Variants in BCAT1 observed in about 807,000 individuals in gnomAD.
BCAT1 encodes branched chain amino acid transaminase 1.
Under a neutral mutation model 52.4 loss-of-function variants are expected in BCAT1, and 48 were observed. The ratio of observed to expected loss-of-function variants is 0.92; its 90% confidence interval spans 0.73 to 1.16. The LOEUF (loss-of-function observed/expected upper bound fraction) is 1.16, where lower values mean the gene tolerates loss of function less well. Among genes scored for constraint, BCAT1 ranks in the 50% most tolerant of loss-of-function variants. The pLI is 0.00. For missense variants in BCAT1, 451 were observed against 457.1 expected (o/e 0.99, Z 0.12); for synonymous variants, 167 against 161.3 (o/e 1.04, Z -0.27).
At chr12:24,832,934 T>C in intron 8 of BCAT1, 71 bp from the exon 9 acceptor site, 13 of 1,422,412 alleles carry the variant, frequency 9.1e-6, no homozygotes, top group Non-Finnish European at 1.0e-5. Context: ...CAATACTTAC[T>C]GTTCTGCTTA....
At chr12:24,901,977 C>G (rs1248606072) in intron 1 of BCAT1, 92 bp from the exon 2 acceptor site, 3 of 1,608,798 alleles carry the variant, frequency 1.9e-6, no homozygotes, top group African/African-American at 2.7e-5. Flanking sequence ...ATACCGTGCG[C>G]TCCTCTCCAG....
At chr12:24,834,898 T>A (rs1940852268) in intron 8 of BCAT1, 1 of 641,436 alleles carries the variant, frequency 1.6e-6, no homozygotes, top group Non-Finnish European at 2.0e-6. Flanking sequence ...CAATTTCCCC[T>A]ATCTGGCAAA....
chr12:24,823,412 C>T (rs1161655774), intron 10 of BCAT1, among the ~76,000 whole-genome samples: 1 of 152,036 alleles, frequency 6.6e-6, no homozygotes, highest in Non-Finnish European at 1.5e-5. Context: ...CTTGAGTAAA[C>T]CACCAGTACC....
intron 1 of BCAT1, among the ~76,000 whole-genome samples, chr12:24,931,286 T>G (rs1357472280): frequency 2.6e-5 from 4 of 152,098 alleles, no homozygotes; most frequent in Admixed American, 2.6e-4. Flanking sequence ...GGCTGAAAGA[T>G]AACATTGATG....
chr12:24,848,977 G>A lies in BCAT1; in HGVS notation c.674+809C>T, dbSNP rs149066582. ...ATTGCCTCTAATACCCCAGCAGCAC[G>A]TCATGTGACTCTCCCCTGCCTCCTG... On this transcript the variant is annotated intron_variant, in intron 6 of 10. Transcript: ENST00000261192. 2.6e-4 allele frequency among the ~76,000 whole-genome samples: 40 copies of A among 152,280 alleles called. No homozygotes were observed. The East Asian group carries it at 6.4e-3, about 24-fold the overall frequency.
At chr12:24,887,602 C>T (rs555858127) in intron 3 of BCAT1, among the ~76,000 whole-genome samples, 1 of 152,156 alleles carries the variant, frequency 6.6e-6, no homozygotes, top group Non-Finnish European at 1.5e-5. Flanking sequence ...ATGGGACACG[C>T]GAGGGCTTCT....
At chr12:24,921,990 CAT>C (rs753712339) in intron 1 of BCAT1, among the ~76,000 whole-genome samples, 1 of 152,236 alleles carries the variant, frequency 6.6e-6, no homozygotes, top group Non-Finnish European at 1.5e-5. Context: ...CACATACACA[CAT>C]ACACACACAC....
At chr12:24,942,830 C>T (rs539544016) in intron 1 of BCAT1, among the ~76,000 whole-genome samples, 4 of 152,288 alleles carry the variant, frequency 2.6e-5, no homozygotes, top group East Asian at 3.9e-4. Flanking sequence ...TGGTATGAAC[C>T]GAGTTCTATT....
rs2139274372 is a variant in BCAT1, at chr12:24,810,952, T to G, written c.*7056A>C. The stretch of plus-strand genomic sequence containing the variant: ...TAGGCCTTTTACTTTTTAAAGTGTC[T>G]TTTATTCTAAAGCTAGTTAACCACA... On this transcript the variant is annotated 3_prime_UTR_variant, in exon 11 of 11. Transcript: ENST00000261192. The G allele has an allele frequency of 6.6e-6, 1 of 152,322 alleles. No homozygotes were observed. Among genetic ancestry groups the G allele is most frequent in the Non-Finnish European group, 1.5e-5 (1 of 68,022 alleles). The allele number at this position is 152,322 out of a possible 1,614,324, so 9.4% of individuals were successfully genotyped here. A position where few individuals can be genotyped will look rare whatever the true frequency, so the allele number is the denominator to read the frequency against.
At position 24,827,167 on chromosome 12, in the gene BCAT1, G is replaced by C. The variant is rs570453089; in HGVS notation, c.1119+2656C>G. Among the ~76,000 whole-genome samples the C allele has an allele frequency of 1.8e-3, 267 of 152,024 alleles. 1 individual carries two copies. Among genetic ancestry groups the C allele is most frequent in the African/African-American group, 6.3e-3 (261 of 41,480 alleles). On this transcript the variant is annotated intron_variant, in intron 10 of 10. Coordinates refer to ENST00000261192, the MANE Select transcript of BCAT1 (RefSeq NM_005504.7). ...TATTTGCCCTGGCCTCTAAACCTCT[G>C]TTTTGGAAAAAGGCTTTCATGTAAT...
rs920411479 is a variant in BCAT1, at chr12:24,812,092, C to T, written c.*5916G>A. Reference sequence around the variant, plus strand: ...TTGTGAGTTTATTTTTAAGACCTGACTAAAAATCTGCACTCTTCAAAAACT... The same window carrying T: ...TTGTGAGTTTATTTTTAAGACCTGATTAAAAATCTGCACTCTTCAAAAACT... On this transcript the variant is annotated 3_prime_UTR_variant, in exon 11 of 11. Transcript: ENST00000261192. The T allele has an allele frequency of 2.0e-5, 3 of 152,024 alleles. No individual in the cohort carries two copies. Among genetic ancestry groups the T allele is most frequent in the African/African-American group, 7.2e-5 (3 of 41,416 alleles). 9.4% of individuals were successfully genotyped at this position (152,024 alleles called of 1,614,324 possible).
chr12:24,854,451 G>A (rs1279292616), intron 5 of BCAT1, among the ~76,000 whole-genome samples: 1 of 152,072 alleles, frequency 6.6e-6, no homozygotes, highest in Non-Finnish European at 1.5e-5. Flanking sequence ...CAGTTGTTTT[G>A]AAAGAAGTTT....
At chr12:24,948,495 G>C (rs1251678215) in intron 1 of BCAT1, among the ~76,000 whole-genome samples, 3 of 152,142 alleles carry the variant, frequency 2.0e-5, no homozygotes, top group African/African-American at 7.2e-5. Flanking sequence ...AACTCTTCCA[G>C]CCGCTCCCTC....
chr12:24,896,468 G>A (rs1942962484), intron 2 of BCAT1, among the ~76,000 whole-genome samples: 1 of 152,074 alleles, frequency 6.6e-6, no homozygotes, highest in Non-Finnish European at 1.5e-5. Context: ...TTATCATCTA[G>A]CCATTTAAGA....
intron 5 of BCAT1, among the ~76,000 whole-genome samples, chr12:24,870,766 G>T (rs920805554): frequency 2.0e-5 from 3 of 152,148 alleles, no homozygotes; most frequent in African/African-American, 7.2e-5. Context: ...AGTGGCTCTT[G>T]CCTGCAATTC....
At chr12:24,860,121 G>A (rs974172804) in intron 5 of BCAT1, among the ~76,000 whole-genome samples, 1 of 152,164 alleles carries the variant, frequency 6.6e-6, no homozygotes, top group Admixed American at 6.5e-5. Context: ...ACAGAAAATT[G>A]TTGTCTTGTT....
At chr12:24,908,460 G>A (rs368152326) in intron 1 of BCAT1, among the ~76,000 whole-genome samples, 100 of 152,286 alleles carry the variant, frequency 6.6e-4, no homozygotes, top group Middle Eastern at 3.4e-3. Context: ...AGCTGGGCCG[G>A]GCATGGTGGC....
rs1225066172 is a variant in BCAT1, at chr12:24,836,902, GAA to G, written c.818-308_818-307del. On this transcript the variant is annotated intron_variant, in intron 7 of 10. Transcript: ENST00000261192. ...AAGAGAAAGAAAGAAAGAAAGAAAA[GAA>G]AGAGAGAAAGAAAGAAAGAAAGAAA... 1.8e-3 allele frequency among the ~76,000 whole-genome samples: 36 copies of G among 20,224 alleles called. 5 individuals are homozygous for G. The highest frequency in any genetic ancestry group is 6.5e-3 in the African/African-American group (35 of 5,408). The allele number at this position is 20,224 out of a possible 152,430, so 13.3% of individuals were successfully genotyped here. A position where few individuals can be genotyped will look rare whatever the true frequency, so the allele number is the denominator to read the frequency against.
In BCAT1 at chr12:24,920,930, A is replaced by G. The variant is rs1943491383; in HGVS notation, c.7-19045T>C. Among the ~76,000 whole-genome samples, 3 of 152,332 alleles carry G rather than the reference A, an allele frequency of 2.0e-5. No homozygotes were observed. In the South Asian group the frequency reaches 6.2e-4, roughly 32 times the overall value. On this transcript the variant is annotated intron_variant, in intron 1 of 10. Coordinates refer to ENST00000261192, the MANE Select transcript of BCAT1 (RefSeq NM_005504.7). ...TTTTTTAAAATACAAATAAAAGCCA[A>G]TGAAGAGATACAAGGTCCAAGTCTG...
Sources: gnomAD v4.1 joint callset for allele counts (sites outside exome capture counted in the v4.1 genomes callset) on GRCh38, gnomAD v4.1.1 for gene constraint, MANE v1.5 for transcripts, NCBI Gene and HGNC (gene_info 2026-07-23, HGNC 2026-07-21) for gene names.